Variants in PRKD2 observed in about 807,000 individuals in gnomAD.
The protein encoded by PRKD2 is serine/threonine-protein kinase D2.
Under a neutral mutation model 86.0 loss-of-function variants are expected in PRKD2, and 22 were observed. The ratio of observed to expected loss-of-function variants is 0.26; its 90% CI spans 0.18 to 0.37. PRKD2 has a LOEUF of 0.37. Ranked by LOEUF, PRKD2 falls within the 10% of genes least tolerant of loss-of-function variation. The pLI is 1.00. For missense variants in PRKD2, 818 were observed against 1,199.2 expected (o/e 0.68, Z 4.70); for synonymous variants, 509 against 510.9 (o/e 1.00, Z 0.05).
Position 46,689,636 on chromosome 19 carries a change from A to G in PRKD2, c.1872T>C (p.Phe624=). The change falls in exon 14 of 18, where the codon TTT becomes TTC. Residue 624 remains phenylalanine, a synonymous_variant. Coordinates refer to ENST00000291281, the MANE Select transcript of PRKD2 (RefSeq NM_016457.5). The part of the protein sequence containing the change: ...ECMFETPEKV[F]VVMEKLHGDM... Reference sequence around the variant, plus strand: ...CCCCATGCAGCTTCTCCATCACCACAAACACTTTCTCAGGCGTCTCGAACA... The same window carrying G: ...CCCCATGCAGCTTCTCCATCACCACGAACACTTTCTCAGGCGTCTCGAACA... The G allele has an allele frequency of 1.2e-6, 2 of 1,614,102 alleles. No homozygotes were observed. The highest frequency in any genetic ancestry group is 2.2e-5 in the South Asian group (2 of 91,088).
At chr19:46,711,580 A>G (rs2053809670) in intron 2 of PRKD2, among the ~76,000 whole-genome samples, 1 of 151,962 alleles carries the variant, frequency 6.6e-6, no homozygotes, top group African/African-American at 2.4e-5. Context: ...TTTAGTAGAG[A>G]CGGAGTTTCA....
chr19:46,711,063 T>C lies in PRKD2; in HGVS notation c.380-25A>G, dbSNP rs762697456. Reference sequence around the variant, plus strand: ...GCTGTAGGCGGAAAATAGGGGTGGATGCTTGAGGCGGGGTAGGCCAAAGCT... The same window carrying C: ...GCTGTAGGCGGAAAATAGGGGTGGACGCTTGAGGCGGGGTAGGCCAAAGCT... On this transcript the variant is annotated intron_variant, in intron 2 of 17. Transcript: ENST00000291281. The C allele has an allele frequency of 2.6e-6, 4 of 1,567,090 alleles. No individual in the cohort carries two copies. In the South Asian group the frequency reaches 4.7e-5, roughly 18 times the overall value.
chr19:46,704,514 G>A lies in PRKD2; in HGVS notation c.647C>T (p.Pro216Leu). ...CCTCACCAGCTCTTCAGCCGTGCAG[G>A]GCAGGGACTCGGAGGTGCCGAGGCG... is the stretch of plus-strand genomic sequence containing the variant. ...SVRLGTSESL[P>L]CTAEELSRST... is the part of the protein sequence containing the mutation. Residue 216 changes from proline (P) to leucine (L), a missense_variant, in exon 4 of 18, where the codon CCC becomes CTC. Pro to Leu is a moderately conservative substitution (Grantham distance 98). Around this residue, in one of 5 missense-constraint regions of PRKD2, gnomAD observed 403 missense variants for 518.6 expected, o/e 0.78. Transcript: ENST00000291281. 1.2e-6 allele frequency: 2 copies of A among 1,614,160 alleles called. No homozygotes were observed. The highest frequency in any genetic ancestry group is 1.7e-6 in the Non-Finnish European group (2 of 1,180,030).
chr19:46,708,971 G>GTTTTTTTT (rs796086305), intron 3 of PRKD2, among the ~76,000 whole-genome samples: 6 of 80,296 alleles, frequency 7.5e-5, no homozygotes, highest in African/African-American at 1.0e-4. Flanking sequence ...GTTTGTTTGT[G>GTTTTTTTT]GTTTTTTTTT....
In PRKD2 at chr19:46,704,582, T is replaced by C; in HGVS notation, c.579A>G (p.Lys193=). Residue 193 remains lysine (K), a synonymous_variant, in exon 4 of 18, where the codon AAA becomes AAG. Coordinates refer to ENST00000291281, the MANE Select transcript of PRKD2 (RefSeq NM_016457.5). ...SIPNNCSGAR[K]RRLSSTSLAS... Reference sequence around the variant, plus strand: ...CCAGAGACGTGGATGACAGGCGCCGTTTGCGGGCCCCACTACAGTTGTTGG... The same window carrying C: ...CCAGAGACGTGGATGACAGGCGCCGCTTGCGGGCCCCACTACAGTTGTTGG... The C allele has an allele frequency of 6.2e-7, 1 of 1,613,964 alleles. No homozygotes were observed. Among genetic ancestry groups the C allele is most frequent in the Non-Finnish European group, 8.5e-7 (1 of 1,179,956 alleles).
intron 7 of PRKD2, among the ~76,000 whole-genome samples, chr19:46,700,376 G>A (rs1450952772): frequency 2.0e-5 from 3 of 151,416 alleles, no homozygotes; most frequent in African/African-American, 7.3e-5. Context: ...AACAAAGCAA[G>A]ACCCTTTGGG....
intron 12 of PRKD2, 45 bp from the exon 13 acceptor site, chr19:46,690,751 C>T: frequency 1.3e-6 from 2 of 1,545,500 alleles, no homozygotes; most frequent in Non-Finnish European, 1.8e-6. Flanking sequence ...AGCAAGACCA[C>T]CCAGTCCTGG....
intron 14 of PRKD2, among the ~76,000 whole-genome samples, chr19:46,683,248 C>A (rs535337248): frequency 4.2e-4 from 63 of 151,478 alleles, no homozygotes; most frequent in Non-Finnish European, 1.6e-4. Flanking sequence ...GCACACACCA[C>A]CATGCCCGGC....
intron 16 of PRKD2, among the ~76,000 whole-genome samples, chr19:46,676,522 G>A (rs1217770148): frequency 2.0e-5 from 3 of 152,238 alleles, no homozygotes; most frequent in Non-Finnish European, 2.9e-5. Flanking sequence ...GTGAAAAAGA[G>A]GACTAGCGAA....
At position 46,689,575 on chromosome 19, in the gene PRKD2, G is replaced by A. The variant is rs764267606; in HGVS notation, c.1933C>T (p.Arg645Trp). 15 of 1,613,494 alleles carry A rather than the reference G, an allele frequency of 9.3e-6. No homozygotes were observed. The highest frequency in any genetic ancestry group is 6.7e-5 in the Admixed American group (4 of 59,878). ...AACTTGGTGAGGCGCTCAGGCAGCC[G>A]GCCCTTCTCACTGGACAGGATCATC... ...LEMILSSEKG[R>W]LPERLTKFLI... Residue 645 changes from arginine (R) to tryptophan (W), a missense_variant, in exon 14 of 18, where the codon CGG becomes TGG. Coordinates refer to ENST00000291281, the MANE Select transcript of PRKD2 (RefSeq NM_016457.5).
chr19:46,711,046 C>T lies in PRKD2; in HGVS notation c.380-8G>A, dbSNP rs747960678. On this transcript the variant is annotated splice_region_variant and splice_polypyrimidine_tract_variant and intron_variant, in intron 2 of 17. Coordinates refer to ENST00000291281, the MANE Select transcript of PRKD2 (RefSeq NM_016457.5). Reference sequence around the variant, plus strand: ...CCTCGAAGGTGGCCGAGGCTGTAGGCGGAAAATAGGGGTGGATGCTTGAGG... The same window carrying T: ...CCTCGAAGGTGGCCGAGGCTGTAGGTGGAAAATAGGGGTGGATGCTTGAGG... 19 of 1,576,900 alleles carry T rather than the reference C, an allele frequency of 1.2e-5. No individual in the cohort carries two copies. In the Admixed American group the frequency reaches 1.8e-4, roughly 15 times the overall value.
At chr19:46,709,400 G>C (rs2053769487) in intron 3 of PRKD2, 1 of 158,470 alleles carries the variant, frequency 6.3e-6, no homozygotes, top group Admixed American at 6.6e-5. Flanking sequence ...TTTTGCTCTT[G>C]TTGCCCAGGC....
At chr19:46,691,670 G>T (rs1307378970) in intron 12 of PRKD2, 65 bp downstream of exon 12, 2 of 1,511,656 alleles carry the variant, frequency 1.3e-6, no homozygotes, top group Non-Finnish European at 9.2e-7. Context: ...GAAAGAAAGG[G>T]CTGGAGCCAC....
chr19:46,702,047 T>G (rs1048813948), intron 5 of PRKD2, among the ~76,000 whole-genome samples: 33 of 150,596 alleles, frequency 2.2e-4, no homozygotes, highest in Admixed American at 6.6e-4. Context: ...TGTTTTTTTT[T>G]TTTTTTTTTA....
At chr19:46,700,978 G>T in intron 6 of PRKD2, 26 bp from the exon 7 acceptor site, 1 of 1,614,198 alleles carries the variant, frequency 6.2e-7, no homozygotes, top group Non-Finnish European at 8.5e-7. Flanking sequence ...CATCAGAGGG[G>T]TCTCCACCCA....
chr19:46,689,760 A>C, intron 13 of PRKD2, 62 bp from the exon 14 acceptor site: 1 of 1,579,718 alleles, frequency 6.3e-7, no homozygotes, highest in South Asian at 1.1e-5. Flanking sequence ...CCAACGGGTC[A>C]GGTATAGGAG....
chr19:46,681,552 C>T (rs534814097), intron 15 of PRKD2, 98 bp downstream of exon 15: 18 of 868,048 alleles, frequency 2.1e-5, no homozygotes, highest in Non-Finnish European at 2.5e-5. Context: ...CACTGTGCCT[C>T]GCCCCCACAT....
Position 46,704,533 on chromosome 19 carries a change from C to T in PRKD2, c.628G>A (p.Gly210Ser), listed in dbSNP as rs756752090. ...GTGCAGGGCAGGGACTCGGAGGTGC[C>T]GAGGCGCACCGAGTGGCCACTGGCC... ...SLASGHSVRL[G>S]TSESLPCTAE... Residue 210 changes from glycine to serine, a missense_variant, in exon 4 of 18, where the codon GGC (glycine) becomes AGC (serine). Physicochemically the swap from Gly to Ser is moderately conservative, Grantham distance 56 (BLOSUM62 0). Transcript: ENST00000291281. 1.9e-6 allele frequency: 3 copies of T among 1,614,006 alleles called. No individual in the cohort carries two copies. Among genetic ancestry groups the T allele is most frequent in the Non-Finnish European group, 1.7e-6 (2 of 1,180,028 alleles).
chr19:46,699,039 C>T (rs981719895), intron 7 of PRKD2, among the ~76,000 whole-genome samples: 1 of 152,136 alleles, frequency 6.6e-6, no homozygotes, highest in Non-Finnish European at 1.5e-5. Flanking sequence ...AGGAAACACT[C>T]TGTCGTCACT....
Sources: allele counts gnomAD v4.1 joint callset (sites outside exome capture counted in the v4.1 genomes callset), GRCh38; gene constraint gnomAD v4.1.1; regional missense constraint gnomAD v4.1.1; transcripts MANE v1.5; gene names NCBI Gene and HGNC (gene_info 2026-07-23, HGNC 2026-07-21).